Variants in RASA1 observed in about 807,000 individuals in gnomAD.
RASA1 encodes ras GTPase-activating protein 1.
RASA1 carries 25 observed loss-of-function variants against 132.2 expected under a neutral mutation model. The observed-to-expected ratio is 0.19, with a 90% CI of 0.14 to 0.26. The LOEUF (loss-of-function observed/expected upper bound fraction) is 0.26, where lower values mean the gene tolerates loss of function less well. Among genes scored for constraint, RASA1 ranks in the 10% least tolerant of loss-of-function variants. The pLI is 1.00. For synonymous variants in RASA1, 477 were observed against 449.9 expected (o/e 1.06, Z -0.76); for missense variants, 964 against 1,299.2 (o/e 0.74, Z 3.97).
chr5:87,380,675 A>G (rs1359534363), intron 20 of RASA1, 80 bp downstream of exon 20: 1 of 1,265,176 alleles, frequency 7.9e-7, no homozygotes, highest in Non-Finnish European at 1.2e-6. Flanking sequence ...ACAATATACA[A>G]TTCAATGCTT....
chr5:87,328,438 C>T (rs998009933), intron 1 of RASA1, among the ~76,000 whole-genome samples: 2 of 152,016 alleles, frequency 1.3e-5, no homozygotes, highest in Admixed American at 1.3e-4. Flanking sequence ...AATATGTTTT[C>T]TTGTATTTCT....
In RASA1 at chr5:87,377,154, G is replaced by T. The variant is rs568121274; in HGVS notation, c.2344+114G>T. 157 of 1,357,518 alleles carry T rather than the reference G, an allele frequency of 1.2e-4. 2 individuals carry two copies. In the South Asian group the frequency reaches 1.8e-3, roughly 15 times the overall value. The allele number at this position is 1,357,518 out of a possible 1,614,324, so 84.1% of individuals were successfully genotyped here. ...ATTGTTAAATTATATTGCAAAATAA[G>T]TTATTCTGTTTTCCCTCCTTAAAAA... On this transcript the variant is annotated intron_variant, in intron 17 of 24. Coordinates refer to ENST00000274376, the MANE Select transcript of RASA1 (RefSeq NM_002890.3).
At chr5:87,272,206 G>A (rs1753875205) in intron 1 of RASA1, among the ~76,000 whole-genome samples, 1 of 151,682 alleles carries the variant, frequency 6.6e-6, no homozygotes, top group African/African-American at 2.4e-5. Flanking sequence ...AATTCATTGT[G>A]TGGGATTTTC....
chr5:87,284,793 TC>T (rs1225691275), intron 1 of RASA1, among the ~76,000 whole-genome samples: 1 of 152,162 alleles, frequency 6.6e-6, no homozygotes, highest in East Asian at 1.9e-4. Context: ...TAACAGGAAA[TC>T]ATATCCTCTA....
At position 87,305,318 on chromosome 5, in the gene RASA1, G is replaced by A. The variant is rs553603937; in HGVS notation, c.540-26030G>A. On this transcript the variant is annotated intron_variant, in intron 1 of 24. Transcript: ENST00000274376. ...GAACAGAGACATACACCGATGGAACGGAATAGAGAACCTGGAAATAAGACC... is the reference window on the plus strand; with the variant it reads ...GAACAGAGACATACACCGATGGAACAGAATAGAGAACCTGGAAATAAGACC... Among the ~76,000 whole-genome samples the A allele has an allele frequency of 6.2e-4, 94 of 152,148 alleles. 1 individual carries two copies. The highest frequency in any genetic ancestry group is 1.9e-3 in the African/African-American group (79 of 41,508).
At chr5:87,321,340 A>G (rs1756788888) in intron 1 of RASA1, among the ~76,000 whole-genome samples, 1 of 152,206 alleles carries the variant, frequency 6.6e-6, no homozygotes, top group Non-Finnish European at 1.5e-5. Context: ...TCTACAGTGA[A>G]CACCAGCTAA....
At chr5:87,325,475 G>A (rs1008741315) in intron 1 of RASA1, among the ~76,000 whole-genome samples, 3 of 152,316 alleles carry the variant, frequency 2.0e-5, no homozygotes, top group Admixed American at 2.0e-4. Flanking sequence ...AGACACAAGC[G>A]TGTGTAACAA....
intron 13 of RASA1, among the ~76,000 whole-genome samples, chr5:87,372,450 G>T (rs1415109566): frequency 6.6e-6 from 1 of 152,034 alleles, no homozygotes; most frequent in African/African-American, 2.4e-5. Flanking sequence ...AGCAGAAACG[G>T]TTCTGTTGGG....
In RASA1 at chr5:87,374,141, ATATATAT is replaced by A; in HGVS notation, c.1777-20_1777-14del. The A allele has an allele frequency of 1.5e-6, 2 of 1,378,486 alleles. No homozygotes were observed. Among genetic ancestry groups the A allele is most frequent in the African/African-American group, 3.0e-5 (2 of 66,656 alleles). 85.4% of individuals were successfully genotyped at this position (1,378,486 alleles called of 1,614,324 possible). A position where few individuals can be genotyped will look rare whatever the true frequency, so the allele number is the denominator to read the frequency against. On this transcript the variant is annotated splice_polypyrimidine_tract_variant and intron_variant, in intron 13 of 24. Coordinates refer to ENST00000274376, the MANE Select transcript of RASA1 (RefSeq NM_002890.3). ...TCTAGAAATCTGGGGTAATATATAT[ATATATAT>A]TTTTTTTTTTTTAGGTCAGCAGCCT...
Position 87,374,246 on chromosome 5 carries a change from G to C in RASA1, c.1860G>C (p.Leu620=). 2 of 1,599,146 alleles carry C rather than the reference G, an allele frequency of 1.3e-6. No homozygotes were observed. The highest frequency in any genetic ancestry group is 1.7e-6 in the Non-Finnish European group (2 of 1,171,528). Residue 620 remains leucine (L), a synonymous_variant, in exon 14 of 25, where the codon CTG becomes CTC. Coordinates refer to ENST00000274376, the MANE Select transcript of RASA1 (RefSeq NM_002890.3). ...CTAATCCATATTGTAACATCTACCT[G>C]AATAGTGTCCAAGTAGCAAAAACTC... ...HFTNPYCNIY[L]NSVQVAKTHA... is the part of the protein sequence containing the mutation.
chr5:87,365,142 T>C (rs1041900663), intron 11 of RASA1, among the ~76,000 whole-genome samples: 20 of 152,282 alleles, frequency 1.3e-4, no homozygotes, highest in African/African-American at 4.8e-4. Flanking sequence ...TTCAGTTGGA[T>C]AGTTGAGCAG....
At chr5:87,289,223 C>G (rs888530348) in intron 1 of RASA1, among the ~76,000 whole-genome samples, 2 of 152,102 alleles carry the variant, frequency 1.3e-5, no homozygotes, top group African/African-American at 2.4e-5. Flanking sequence ...CCATTACTGG[C>G]AGAGATATGC....
chr5:87,315,737 G>A (rs556411956), intron 1 of RASA1, among the ~76,000 whole-genome samples: 8 of 152,170 alleles, frequency 5.3e-5, no homozygotes, highest in South Asian at 2.1e-4. Context: ...AGCACCTTGC[G>A]AATAATAGTC....
intron 1 of RASA1, among the ~76,000 whole-genome samples, chr5:87,301,316 G>T (rs763965893): frequency 7.2e-5 from 11 of 152,034 alleles, no homozygotes; most frequent in Non-Finnish European, 1.2e-4. Context: ...TCTGTATTTA[G>T]AATTACTTTT....
chr5:87,285,922 C>T (rs1014710355), intron 1 of RASA1, among the ~76,000 whole-genome samples: 15 of 151,780 alleles, frequency 9.9e-5, no homozygotes, highest in Non-Finnish European at 1.5e-4. Flanking sequence ...CCCGGCCAGT[C>T]GGTCTCTTTT....
intron 1 of RASA1, among the ~76,000 whole-genome samples, chr5:87,297,144 C>T (rs1344214237): frequency 6.6e-6 from 1 of 152,148 alleles, no homozygotes. Flanking sequence ...TTCCGTTTCT[C>T]TGCTTACATT....
At chr5:87,279,036 G>A (rs1206349428) in intron 1 of RASA1, among the ~76,000 whole-genome samples, 1 of 151,022 alleles carries the variant, frequency 6.6e-6, no homozygotes, top group Non-Finnish European at 1.5e-5. Context: ...TTGAGCCCAG[G>A]AGTTCAAGAC....
intron 23 of RASA1, among the ~76,000 whole-genome samples, chr5:87,387,649 G>GACACC (rs1367300272): frequency 6.6e-5 from 10 of 152,134 alleles, no homozygotes; most frequent in African/African-American, 2.4e-4. Flanking sequence ...TCCATGTTCT[G>GACACC]TCTTAATGTA....
At chr5:87,349,169 T>C (rs758861176) in intron 7 of RASA1, 45 bp from the exon 8 acceptor site, 71 of 1,601,136 alleles carry the variant, frequency 4.4e-5, no homozygotes, top group Non-Finnish European at 5.7e-5. Context: ...ATCTTTTCTT[T>C]TTTATTTGAT....
Sources: allele counts gnomAD v4.1 joint callset (sites outside exome capture counted in the v4.1 genomes callset), GRCh38; gene constraint gnomAD v4.1.1; transcripts MANE v1.5; gene names NCBI Gene and HGNC (gene_info 2026-07-23, HGNC 2026-07-21).